ZNF658: variants seen among roughly 807,000 people sequenced by gnomAD.
ZNF658 encodes the protein zinc finger protein 658.
ZNF658 carries 46 observed loss-of-function variants against 78.0 expected under a neutral mutation model. The observed-to-expected ratio is 0.59, with a 90% CI of 0.47 to 0.75. ZNF658 has a LOEUF of 0.75. Among genes scored for constraint, ZNF658 ranks in the 30% least tolerant of loss-of-function variants. ZNF658 has a pLI of 0.00. For synonymous variants in ZNF658, 279 were observed against 408.4 expected (o/e 0.68, Z 3.82); for missense variants, 785 against 1,189.3 (o/e 0.66, Z 5.00).
Position 66,900,795 on chromosome 9 carries a change from G to C in ZNF658, c.-86G>C, listed in dbSNP as rs1446752356. ...CGGGCCTGAAAGGGACACGGTGTCCGAGTCTTTAGGTCTGCGCGGGAGCCG... is the reference window on the plus strand; with the variant it reads ...CGGGCCTGAAAGGGACACGGTGTCCCAGTCTTTAGGTCTGCGCGGGAGCCG... On this transcript the variant is annotated 5_prime_UTR_variant, in exon 1 of 5. Coordinates refer to ENST00000621410, the MANE Select transcript of ZNF658 (RefSeq NM_033160.7). The C allele has an allele frequency of 6.6e-6, 1 of 152,412 alleles. No homozygotes were observed. Among genetic ancestry groups the C allele is most frequent in the East Asian group, 1.9e-4 (1 of 5,180 alleles). The allele number at this position is 152,412 out of a possible 1,614,324, so 9.4% of individuals were successfully genotyped here. A position where few individuals can be genotyped will look rare whatever the true frequency, so the allele number is the denominator to read the frequency against.
intron 4 of ZNF658, among the ~76,000 whole-genome samples, chr9:66,914,205 C>T: frequency 6.6e-6 from 1 of 150,696 alleles, no homozygotes; most frequent in Non-Finnish European, 1.5e-5. Flanking sequence ...TTTCTTTCAT[C>T]AATGTCTTTT....
chr9:66,915,587 A>AT (rs1822317373), intron 4 of ZNF658, among the ~76,000 whole-genome samples: 1 of 151,658 alleles, frequency 6.6e-6, no homozygotes, highest in South Asian at 2.1e-4. Flanking sequence ...GGAAAAATAA[A>AT]TGTTTATTCT....
intron 1 of ZNF658, among the ~76,000 whole-genome samples, chr9:66,901,483 G>A (rs1821951209): frequency 6.6e-6 from 1 of 150,994 alleles, no homozygotes; most frequent in East Asian, 2.0e-4. Context: ...AGTAAATGTG[G>A]ACAGAATCTC....
chr9:66,925,633 G>A (rs1822578921), downstream of ZNF658, among the ~76,000 whole-genome samples: 1 of 152,028 alleles, frequency 6.6e-6, no homozygotes. Context: ...CCGACCTGAT[G>A]ACTCTGCTGC....
downstream of ZNF658, chr9:66,921,486 A>C (rs1383166974): frequency 4.0e-5 from 6 of 150,966 alleles, no homozygotes; most frequent in Non-Finnish European, 8.9e-5. Flanking sequence ...ATTGGAGATA[A>C]AATATTCACC....
At chr9:66,923,707 G>A (rs913450626), downstream of ZNF658, among the ~76,000 whole-genome samples, 2,887 of 151,220 alleles carry the variant, frequency 0.019, 86 homozygotes, top group African/African-American at 0.066. Context: ...AGAATAGATT[G>A]TAAATGTTTT....
rs1255546022 is a variant in ZNF658, at chr9:66,918,973, TAAC to T, written c.1410_1412del (p.Asn471del). On this transcript the variant is annotated inframe_deletion, in exon 5 of 5. Transcript: ENST00000621410. Reference sequence around the variant, plus strand: ...TTCACACAAAAGAGAAACCTTGTGATAACAATGGCTGTGGGAGATCTTACAAGT... The same window carrying T: ...TTCACACAAAAGAGAAACCTTGTGATAATGGCTGTGGGAGATCTTACAAGT... 1.5e-6 allele frequency: 2 copies of T among 1,349,992 alleles called. No homozygotes were observed. The highest frequency in any genetic ancestry group is 3.6e-5 in the African/African-American group (2 of 55,656). 83.6% of individuals were successfully genotyped at this position (1,349,992 alleles called of 1,614,324 possible). A position where few individuals can be genotyped will look rare whatever the true frequency, so the allele number is the denominator to read the frequency against.
chr9:66,915,397 TAA>T lies in ZNF658; in HGVS notation c.239-2395_239-2394del, dbSNP rs200943142. On this transcript the variant is annotated intron_variant, in intron 4 of 4. Transcript: ENST00000621410. Reference sequence around the variant, plus strand: ...AATAAAGTTAGTTTGCTTTTATAGTTAAAAAAAAAAAAAAGAGAGAGACTAGA... The same window carrying T: ...AATAAAGTTAGTTTGCTTTTATAGTTAAAAAAAAAAAAGAGAGAGACTAGA... 3.5e-3 allele frequency among the ~76,000 whole-genome samples: 497 copies of T among 143,004 alleles called. 4 individuals carry two copies. The highest frequency in any genetic ancestry group is 0.011 in the African/African-American group (413 of 39,056). 93.8% of individuals were successfully genotyped at this position (143,004 alleles called of 152,430 possible). A position where few individuals can be genotyped will look rare whatever the true frequency, so the allele number is the denominator to read the frequency against.
rs563929291 is a variant in ZNF658, at chr9:66,908,179, C to G, written c.16-59C>G. The stretch of plus-strand genomic sequence containing the variant: ...CTCTCAAAGATATTTTCTGTGTCAC[C>G]CAATTCTGAACCCTTGAACAAACCA... On this transcript the variant is annotated intron_variant, in intron 2 of 4. Transcript: ENST00000621410. 6.2e-6 allele frequency: 10 copies of G among 1,612,262 alleles called. No homozygotes were observed. In the East Asian group the frequency reaches 1.1e-4, roughly 18 times the overall value.
At chr9:66,901,028 G>C (rs1460214076) in intron 1 of ZNF658, 192 bp downstream of exon 1, 1 of 152,276 alleles carries the variant, frequency 6.6e-6, no homozygotes, top group East Asian at 1.9e-4. Flanking sequence ...GCGGGGTTGC[G>C]GGCCGGGAAG....
Position 66,918,359 on chromosome 9 carries a change from A to T in ZNF658, c.793A>T (p.Thr265Ser). ...ITLFNHMRTDTRGKCSDLNEY... is the reference protein window; with the variant it reads ...ITLFNHMRTDSRGKCSDLNEY... Reference sequence around the variant, plus strand: ...TTTATTTAACCACATGAGAACTGACACAAGGGGGAAATGCTCTGATCTTAA... The same window carrying T: ...TTTATTTAACCACATGAGAACTGACTCAAGGGGGAAATGCTCTGATCTTAA... The change falls in exon 5 of 5, where the codon ACA becomes TCA. Residue 265 changes from threonine (T) to serine (S), a missense_variant. By Grantham distance (58) the Thr-to-Ser change is moderately conservative (BLOSUM62 1). This residue lies in a region of ZNF658 where 393 missense variants were observed against 400.2 expected (regional missense o/e 0.98). Transcript: ENST00000621410. The T allele has an allele frequency of 6.2e-7, 1 of 1,613,942 alleles. No individual in the cohort carries two copies. The highest frequency in any genetic ancestry group is 8.5e-7 in the Non-Finnish European group (1 of 1,179,856).
Position 66,918,791 on chromosome 9 carries a change from G to A in ZNF658, c.1225G>A (p.Glu409Lys). 6.2e-7 allele frequency: 1 copy of A among 1,613,834 alleles called. No homozygotes were observed. The highest frequency in any genetic ancestry group is 1.1e-5 in the South Asian group (1 of 91,066). Residue 409 changes from glutamate (E) to lysine (K), a missense_variant, in exon 5 of 5, where the codon GAG becomes AAG. Glu to Lys is a moderately conservative substitution (Grantham distance 56, BLOSUM62 1). Transcript: ENST00000621410. ...LIQHQRPHSG[E>K]KTYQYEECAK... ...TCAGCATCAGAGGCCCCACTCAGGA[G>A]AGAAAACTTACCAATATGAGGAATG...
chr9:66,903,778 T>G (rs928681531), intron 2 of ZNF658, among the ~76,000 whole-genome samples: 11 of 152,130 alleles, frequency 7.2e-5, no homozygotes, highest in African/African-American at 2.4e-4. Flanking sequence ...CAAATTAAGC[T>G]TCAGATTTAT....
intron 4 of ZNF658, among the ~76,000 whole-genome samples, chr9:66,917,335 G>A (rs1380324744): frequency 3.4e-5 from 5 of 148,850 alleles, no homozygotes; most frequent in Admixed American, 2.7e-4. Context: ...TTTATAAACA[G>A]CATGGATGAG....
chr9:66,904,859 G>A (rs1822036031), intron 2 of ZNF658, among the ~76,000 whole-genome samples: 1 of 151,712 alleles, frequency 6.6e-6, no homozygotes, highest in Non-Finnish European at 1.5e-5. Context: ...CCTGGATATA[G>A]AGGTTATTGG....
At chr9:66,913,648 AC>A (rs1377872077) in intron 4 of ZNF658, among the ~76,000 whole-genome samples, 2 of 151,436 alleles carry the variant, frequency 1.3e-5, no homozygotes, top group African/African-American at 4.9e-5. Context: ...CTATCTAGAA[AC>A]CTTGAAACTC....
In ZNF658 at chr9:66,920,852, G is replaced by A. The variant is rs1822508943; in HGVS notation, c.*106G>A. 1.5e-6 allele frequency: 1 copy of A among 677,722 alleles called. No homozygotes were observed. 42.0% of individuals were successfully genotyped at this position (677,722 alleles called of 1,614,324 possible). ...TCCTTTTTCATTAGGCTCATAGTTTGTGGAAAAATCCCAATATGCCGTTTA... is the reference window on the plus strand; with the variant it reads ...TCCTTTTTCATTAGGCTCATAGTTTATGGAAAAATCCCAATATGCCGTTTA... On this transcript the variant is annotated 3_prime_UTR_variant, in exon 5 of 5. Coordinates refer to ENST00000621410, the MANE Select transcript of ZNF658 (RefSeq NM_033160.7).
chr9:66,918,605 C>G lies in ZNF658; in HGVS notation c.1039C>G (p.Gln347Glu). Residue 347 changes from glutamine (Q) to glutamate (E), a missense_variant, in exon 5 of 5, where the codon CAA becomes GAA. Around this residue, in one of 12 missense-constraint regions of ZNF658, gnomAD observed 393 missense variants for 400.2 expected, o/e 0.98. Transcript: ENST00000621410. Reference protein sequence around the residue: ...SSAHIVHQKTQAGDKFGEHNE... With the variant: ...SSAHIVHQKTEAGDKFGEHNE... Reference sequence around the variant, plus strand: ...AGCCCATATAGTACATCAGAAAACACAAGCTGGAGATAAATTTGGTGAACA... The same window carrying G: ...AGCCCATATAGTACATCAGAAAACAGAAGCTGGAGATAAATTTGGTGAACA... The G allele has an allele frequency of 6.2e-7, 1 of 1,610,030 alleles. No individual in the cohort carries two copies. Among genetic ancestry groups the G allele is most frequent in the Non-Finnish European group, 8.5e-7 (1 of 1,176,722 alleles).
At chr9:66,930,657 A>G (rs1587374717) in intron 6 of ZNF658, among the ~76,000 whole-genome samples, 1 of 152,090 alleles carries the variant, frequency 6.6e-6, no homozygotes, top group African/African-American at 2.4e-5. Flanking sequence ...AAAAAATACA[A>G]CAGAGCAAGA....
Sources: allele counts gnomAD v4.1 joint callset (sites outside exome capture counted in the v4.1 genomes callset), GRCh38; gene constraint gnomAD v4.1.1; regional missense constraint gnomAD v4.1.1; transcripts MANE v1.5; gene names NCBI Gene and HGNC (gene_info 2026-07-23, HGNC 2026-07-21).